Variants in WSCD1 observed in about 807,000 individuals in gnomAD.
The protein encoded by WSCD1 is sialate:O-sulfotransferase 1.
Under a neutral mutation model 60.4 loss-of-function variants are expected in WSCD1, and 41 were observed. The observed-to-expected ratio is 0.68, with a 90% confidence interval of 0.53 to 0.88. The LOEUF is 0.88. WSCD1 is among the 40% of genes least tolerant of loss of function. The pLI, the probability that WSCD1 is intolerant of heterozygous loss-of-function variation, is 0.00. For missense variants in WSCD1, 784 were observed against 796.2 expected (o/e 0.98, Z 0.18); for synonymous variants, 361 against 332.5 (o/e 1.09, Z -0.93).
At position 6,109,697 on chromosome 17, in the gene WSCD1, G is replaced by C; in HGVS notation, c.940G>C (p.Val314Leu). The change falls in exon 6 of 9, where the codon GTA becomes CTA. Residue 314 changes from valine (V) to leucine (L), a missense_variant. Transcript: ENST00000317744. ...FNLRDAMDSS[V>L]CGQDPEAQRL... ...CCTGCGGGATGCCATGGACAGCTCA[G>C]TATGTGGCCAGGACCCTGAGGCACA... is the stretch of plus-strand genomic sequence containing the variant. 1 of 1,614,170 alleles carries C rather than the reference G, an allele frequency of 6.2e-7. No homozygotes were observed. The highest frequency in any genetic ancestry group is 8.5e-7 in the Non-Finnish European group (1 of 1,180,016).
intron 7 of WSCD1, among the ~76,000 whole-genome samples, chr17:6,116,467 G>A (rs1361369355): frequency 1.3e-5 from 2 of 152,184 alleles, no homozygotes; most frequent in East Asian, 3.8e-4. Context: ...CAAATCTATT[G>A]TGGTAGGTCG....
intron 7 of WSCD1, among the ~76,000 whole-genome samples, chr17:6,116,323 G>C (rs1911681128): frequency 1.3e-5 from 2 of 152,280 alleles, no homozygotes; most frequent in South Asian, 4.2e-4. Context: ...AAATGCTTTA[G>C]AGATACCTCA....
chr17:6,119,566 C>T (rs540236451), intron 8 of WSCD1, among the ~76,000 whole-genome samples: 124 of 152,290 alleles, frequency 8.1e-4, no homozygotes, highest in African/African-American at 2.7e-3. Flanking sequence ...TGGCCTCTGC[C>T]GGCCTCTAGT....
chr17:6,078,111 C>A (rs904631327), intron 1 of WSCD1: 2 of 152,266 alleles, frequency 1.3e-5, no homozygotes, highest in African/African-American at 4.8e-5. Context: ...GCCCTGACTC[C>A]ATAGGAGCAG....
chr17:6,105,032 C>T (rs181530138), intron 5 of WSCD1, among the ~76,000 whole-genome samples: 2 of 152,276 alleles, frequency 1.3e-5, no homozygotes, highest in East Asian at 1.9e-4. Context: ...ACAGAGGTCC[C>T]GCCTGGAACC....
At position 6,110,138 on chromosome 17, in the gene WSCD1, AG is replaced by A. The variant is rs1470406538; in HGVS notation, c.1009+374del. Reference sequence around the variant, plus strand: ...AGCTGCAGGGGCCACTGGTGCCTCCAGGACCTGGGAACCCTCCTTGGTGTGA... The same window carrying A: ...AGCTGCAGGGGCCACTGGTGCCTCCAGACCTGGGAACCCTCCTTGGTGTGA... On this transcript the variant is annotated intron_variant, in intron 6 of 8. Coordinates refer to ENST00000317744, the MANE Select transcript of WSCD1 (RefSeq NM_015253.2). The surrounding 1 kb of genome is among the most constrained non-coding windows in gnomAD (Gnocchi z 4.8). 1.3e-5 allele frequency among the ~76,000 whole-genome samples: 2 copies of A among 152,124 alleles called. No individual in the cohort carries two copies. The highest frequency in any genetic ancestry group is 6.5e-5 in the Admixed American group (1 of 15,282).
Position 6,110,687 on chromosome 17 carries a change from A to G in WSCD1, c.1010-84A>G, listed in dbSNP as rs1911358297. Reference sequence around the variant, plus strand: ...ATCTATTAAATGGGAGTCTTCGTTCATCAGTTCCTCTAAGGGAGTTTAGTG... The same window carrying G: ...ATCTATTAAATGGGAGTCTTCGTTCGTCAGTTCCTCTAAGGGAGTTTAGTG... On this transcript the variant is annotated intron_variant, in intron 6 of 8. Transcript: ENST00000317744. This position sits in a 1 kb window ranked among gnomAD's most constrained non-coding sequence, Gnocchi z 4.8. 4 of 1,490,856 alleles carry G rather than the reference A, an allele frequency of 2.7e-6. No individual in the cohort carries two copies. The highest frequency in any genetic ancestry group is 3.6e-6 in the Non-Finnish European group (4 of 1,106,954). 92.4% of individuals were successfully genotyped at this position (1,490,856 alleles called of 1,614,324 possible).
In WSCD1 at chr17:6,110,710, G is replaced by A; in HGVS notation, c.1010-61G>A. On this transcript the variant is annotated intron_variant, in intron 6 of 8. Coordinates refer to ENST00000317744, the MANE Select transcript of WSCD1 (RefSeq NM_015253.2). This position sits in a 1 kb window ranked among gnomAD's most constrained non-coding sequence, Gnocchi z 4.8. Reference sequence around the variant, plus strand: ...TCATCAGTTCCTCTAAGGGAGTTTAGTGGTGAATTGGTGAGTCATAATGGA... The same window carrying A: ...TCATCAGTTCCTCTAAGGGAGTTTAATGGTGAATTGGTGAGTCATAATGGA... 3.2e-6 allele frequency: 5 copies of A among 1,545,854 alleles called. No homozygotes were observed. Among genetic ancestry groups the A allele is most frequent in the Middle Eastern group, 3.5e-4 (2 of 5,732 alleles).
chr17:6,071,376 G>A (rs954347775), intron 1 of WSCD1, among the ~76,000 whole-genome samples: 5 of 152,130 alleles, frequency 3.3e-5, no homozygotes, highest in Admixed American at 6.5e-5. Context: ...CTGCTCTGCT[G>A]ATCGGGAATG....
chr17:6,108,635 C>T (rs1410375308), intron 5 of WSCD1, among the ~76,000 whole-genome samples: 1 of 152,226 alleles, frequency 6.6e-6, no homozygotes, highest in East Asian at 1.9e-4. Flanking sequence ...CTGTCTCATT[C>T]AGCCCTCACC....
At chr17:6,079,136 G>T (rs1383125881) in intron 1 of WSCD1, among the ~76,000 whole-genome samples, 1 of 152,214 alleles carries the variant, frequency 6.6e-6, no homozygotes, top group Non-Finnish European at 1.5e-5. Flanking sequence ...GCCTATCTGG[G>T]GTCTTTGTCC....
At chr17:6,076,234 A>G (rs1442880309) in intron 1 of WSCD1, among the ~76,000 whole-genome samples, 1 of 152,190 alleles carries the variant, frequency 6.6e-6, no homozygotes, top group African/African-American at 2.4e-5. Flanking sequence ...CAAATGGGGT[A>G]TGCGGGGCAT....
rs1455902692 is a variant in WSCD1, at chr17:6,075,877, G to A, written c.-288-4494G>A. On this transcript the variant is annotated intron_variant, in intron 1 of 8. Transcript: ENST00000317744. The surrounding 1 kb of genome is among the most constrained non-coding windows in gnomAD (Gnocchi z 4.1). Reference sequence around the variant, plus strand: ...GGAAAAATTCTCCAGACTTTCAGAGGGGAGGGGCCCCAGGCTGCCTCCCAG... The same window carrying A: ...GGAAAAATTCTCCAGACTTTCAGAGAGGAGGGGCCCCAGGCTGCCTCCCAG... Among the ~76,000 whole-genome samples, 13 of 152,128 alleles carry A rather than the reference G, an allele frequency of 8.5e-5. No homozygotes were observed. Among genetic ancestry groups the A allele is most frequent in the Admixed American group, 8.5e-4 (13 of 15,278 alleles).
chr17:6,091,838 A>G (rs1366692510), intron 4 of WSCD1, among the ~76,000 whole-genome samples: 1 of 152,208 alleles, frequency 6.6e-6, no homozygotes, highest in Non-Finnish European at 1.5e-5. Flanking sequence ...GATTAGTTCA[A>G]GAATGGGGCA....
At chr17:6,117,832 C>G (rs1347026586) in intron 7 of WSCD1, among the ~76,000 whole-genome samples, 156 bp from the exon 8 acceptor site, 1 of 152,132 alleles carries the variant, frequency 6.6e-6, no homozygotes, top group Admixed American at 6.5e-5. Context: ...GGAGGCCGTT[C>G]CTATCACCAT....
At chr17:6,092,020 G>A (rs1415482070) in intron 4 of WSCD1, among the ~76,000 whole-genome samples, 3 of 152,124 alleles carry the variant, frequency 2.0e-5, no homozygotes, top group Non-Finnish European at 2.9e-5. Context: ...CGGATGTGGT[G>A]GCAGGTGCCT....
In WSCD1 at chr17:6,120,697, C is replaced by G; in HGVS notation, c.*36C>G. ...CCACGCCGCCGCCCCCGCTGAGTGA[C>G]GCAATCGCACCACGGGGCTGCGCTC... is the stretch of plus-strand genomic sequence containing the variant. On this transcript the variant is annotated 3_prime_UTR_variant, in exon 9 of 9. Transcript: ENST00000317744. 2 of 1,570,808 alleles carry G rather than the reference C, an allele frequency of 1.3e-6. No homozygotes were observed. The highest frequency in any genetic ancestry group is 1.7e-6 in the Non-Finnish European group (2 of 1,155,720).
At chr17:6,117,962 A>G in intron 7 of WSCD1, 26 bp from the exon 8 acceptor site, 2 of 1,611,784 alleles carry the variant, frequency 1.2e-6, no homozygotes, top group Non-Finnish European at 1.7e-6. Context: ...CATCTTCCAC[A>G]GAGACCCTCT....
At position 6,090,337 on chromosome 17, in the gene WSCD1, G is replaced by A. The variant is rs1033470984; in HGVS notation, c.559G>A (p.Gly187Ser). The A allele has an allele frequency of 6.2e-6, 10 of 1,603,244 alleles. No homozygotes were observed. The highest frequency in any genetic ancestry group is 1.3e-5 in the African/African-American group (1 of 74,238). Residue 187 changes from glycine to serine, a missense_variant, in exon 4 of 9, where the codon GGC (glycine) becomes AGC (serine). Coordinates refer to ENST00000317744, the MANE Select transcript of WSCD1 (RefSeq NM_015253.2). The stretch of plus-strand genomic sequence containing the variant: ...TCCCTGCAGGTCCTATGTCTACGCC[G>A]GCTTGGAGGCCGGGGCGGAGTGTTA... ...ACAERSYVYA[G>S]LEAGAECYCG...
Sources: allele counts gnomAD v4.1 joint callset (sites outside exome capture counted in the v4.1 genomes callset), GRCh38; gene constraint gnomAD v4.1.1; non-coding constraint Gnocchi (gnomAD v3.1); transcripts MANE v1.5; gene names NCBI Gene and HGNC (gene_info 2026-07-23, HGNC 2026-07-21).